Variants in PGCKA1 observed in about 807,000 individuals in gnomAD.
PGCKA1 encodes the protein PDCD10 and GCKIII kinases associated 1.
the PGCKA1 span, among the ~76,000 whole-genome samples, chr4:37,459,944 T>C: frequency 6.6e-6 from 1 of 151,966 alleles, no homozygotes; most frequent in Non-Finnish European, 1.5e-5. Context: ...ATCACCTAGA[T>C]ATTAAGCCCT....
At chr4:37,557,053 CT>C in the PGCKA1 span, among the ~76,000 whole-genome samples, 1 of 152,120 alleles carries the variant, frequency 6.6e-6, no homozygotes, top group Admixed American at 6.6e-5. Flanking sequence ...GATATACAGT[CT>C]ACTTGGGAGT....
At chr4:37,562,127 A>G in the PGCKA1 span, among the ~76,000 whole-genome samples, 24 of 152,380 alleles carry the variant, frequency 1.6e-4, 1 homozygote, top group African/African-American at 5.3e-4. Flanking sequence ...AGCTAGAAAC[A>G]TAAGCATCTA....
the PGCKA1 span, among the ~76,000 whole-genome samples, chr4:37,469,521 A>C: frequency 6.6e-6 from 1 of 152,162 alleles, no homozygotes; most frequent in Non-Finnish European, 1.5e-5. Flanking sequence ...ACCCCAGTGG[A>C]TCTTAGAATC....
chr4:37,517,293 A>G, the PGCKA1 span, among the ~76,000 whole-genome samples: 6 of 147,590 alleles, frequency 4.1e-5, no homozygotes, highest in African/African-American at 1.5e-4. Flanking sequence ...ATATGTATAA[A>G]TATAAATATA....
At chr4:37,453,852 G>A in the PGCKA1 span, 1 of 152,212 alleles carries the variant, frequency 6.6e-6, no homozygotes, top group African/African-American at 2.4e-5. Flanking sequence ...CGCGTGTCGG[G>A]AAGGCTCACC....
At chr4:37,465,673 A>G in the PGCKA1 span, among the ~76,000 whole-genome samples, 1 of 152,112 alleles carries the variant, frequency 6.6e-6, no homozygotes. Flanking sequence ...GTGGATGTTA[A>G]AAACTCCAGA....
chr4:37,499,915 TAA>T, the PGCKA1 span, among the ~76,000 whole-genome samples: 1 of 130,198 alleles, frequency 7.7e-6, no homozygotes, highest in African/African-American at 2.9e-5. Flanking sequence ...GAGGTCTTCC[TAA>T]CTTTTTTTTT....
At chr4:37,556,189 G>T in the PGCKA1 span, among the ~76,000 whole-genome samples, 7 of 151,906 alleles carry the variant, frequency 4.6e-5, no homozygotes, top group African/African-American at 1.7e-4. Flanking sequence ...CATTCCCCTT[G>T]CCTAAAACGC....
chr4:37,466,044 G>A, the PGCKA1 span, among the ~76,000 whole-genome samples: 3 of 152,100 alleles, frequency 2.0e-5, no homozygotes, highest in East Asian at 5.8e-4. Flanking sequence ...TAATCACATT[G>A]TTGATGCAAG....
chr4:37,532,980 G>A, the PGCKA1 span, among the ~76,000 whole-genome samples: 1 of 149,782 alleles, frequency 6.7e-6, no homozygotes, highest in Non-Finnish European at 1.5e-5. Context: ...TGGGAGGGGG[G>A]CGAGGGATAA....
chr4:37,578,003 G>A, the PGCKA1 span, among the ~76,000 whole-genome samples: 3 of 152,104 alleles, frequency 2.0e-5, no homozygotes, highest in Non-Finnish European at 4.4e-5. Flanking sequence ...ATGTGCTGAG[G>A]AAAAGAATGT....
At chr4:37,550,364 T>TAA in the PGCKA1 span, among the ~76,000 whole-genome samples, 1,239 of 148,632 alleles carry the variant, frequency 8.3e-3, 18 homozygotes, top group African/African-American at 0.029. Flanking sequence ...AGTTACACAG[T>TAA]AAAAAAAAAA....
At chr4:37,474,530 G>A in the PGCKA1 span, among the ~76,000 whole-genome samples, 6 of 152,148 alleles carry the variant, frequency 3.9e-5, no homozygotes, top group African/African-American at 1.4e-4. Context: ...AAATAAAAGA[G>A]GGAATGACAT....
the PGCKA1 span, among the ~76,000 whole-genome samples, chr4:37,471,000 A>G: frequency 2.0e-5 from 3 of 152,342 alleles, no homozygotes; most frequent in Non-Finnish European, 4.4e-5. Context: ...AGCCCACAGC[A>G]TATTTTTCAC....
the PGCKA1 span, among the ~76,000 whole-genome samples, chr4:37,526,261 CT>C: frequency 6.6e-6 from 1 of 152,200 alleles, no homozygotes; most frequent in African/African-American, 2.4e-5. Flanking sequence ...GAGTTATATA[CT>C]GTTTATTCTT....
chr4:37,468,115 G>T, the PGCKA1 span, among the ~76,000 whole-genome samples: 3 of 152,142 alleles, frequency 2.0e-5, no homozygotes, highest in Non-Finnish European at 4.4e-5. Flanking sequence ...GAAGGAAATG[G>T]CATGGCCGTT....
At chr4:37,465,013 A>C in the PGCKA1 span, among the ~76,000 whole-genome samples, 1 of 152,240 alleles carries the variant, frequency 6.6e-6, no homozygotes, top group Non-Finnish European at 1.5e-5. Flanking sequence ...ATTAAAGCTC[A>C]AGAACGTGAC....
the PGCKA1 span, among the ~76,000 whole-genome samples, chr4:37,555,673 G>A: frequency 6.6e-6 from 1 of 152,194 alleles, no homozygotes. Context: ...TAAGGATCCA[G>A]TTTTTAAAAT....
chr4:37,591,901 T>C, the PGCKA1 span: 1 of 152,194 alleles, frequency 6.6e-6, no homozygotes, highest in East Asian at 1.9e-4. Context: ...TGGATGTTAC[T>C]TTCAATGTAA....
Sources: allele counts gnomAD v4.1 joint callset (sites outside exome capture counted in the v4.1 genomes callset), GRCh38; gene constraint gnomAD v4.1.1; transcripts MANE v1.5; gene names NCBI Gene and HGNC (gene_info 2026-07-23, HGNC 2026-07-21).